The following CCDC15 variants were observed in gnomAD, a reference collection of about 807,000 sequenced individuals.
CCDC15 encodes coiled-coil domain containing 15, also known as coiled-coil domain-containing protein 15.
CCDC15 carries 105 observed loss-of-function variants against 114.5 expected under a neutral mutation model. The observed-to-expected ratio is 0.92, with a 90% CI of 0.78 to 1.08. CCDC15 has a LOEUF of 1.08. Among genes scored for constraint, CCDC15 ranks in the 50% least tolerant of loss-of-function variants. The pLI, the probability that CCDC15 is intolerant of heterozygous loss-of-function variation, is 0.00. For synonymous variants in CCDC15, 334 were observed against 377.8 expected (o/e 0.88, Z 1.34); for missense variants, 1,105 against 1,093.6 (o/e 1.01, Z -0.15).
chr11:124,965,865 A>T (rs573323879), intron 4 of CCDC15, among the ~76,000 whole-genome samples: 1 of 152,148 alleles, frequency 6.6e-6, no homozygotes, highest in East Asian at 1.9e-4. Context: ...GGTTTCAAAG[A>T]ATATCTTTAT....
intron 4 of CCDC15, among the ~76,000 whole-genome samples, chr11:124,967,300 C>G (rs556184901): frequency 6.6e-6 from 1 of 152,356 alleles, no homozygotes; most frequent in South Asian, 2.1e-4. Context: ...GGTCTTTTCA[C>G]ATAGTCCCAT....
At chr11:125,035,882 A>T (rs972650052) in intron 13 of CCDC15, among the ~76,000 whole-genome samples, 1 of 147,928 alleles carries the variant, frequency 6.8e-6, no homozygotes, top group South Asian at 2.1e-4. Flanking sequence ...ACACTTTAAC[A>T]TCATGCCCCT....
At chr11:124,981,675 A>G (rs1948074289) in intron 6 of CCDC15, among the ~76,000 whole-genome samples, 1 of 152,020 alleles carries the variant, frequency 6.6e-6, no homozygotes, top group South Asian at 2.1e-4. Flanking sequence ...GCAGGAGTGC[A>G]GTGGCATGAT....
In CCDC15 at chr11:124,977,748, C is replaced by T. The variant is rs1158504898; in HGVS notation, c.753+148C>T. 5 of 773,518 alleles carry T rather than the reference C, an allele frequency of 6.5e-6. No individual in the cohort carries two copies. In the African/African-American group the frequency reaches 9.1e-5, roughly 14 times the overall value. The allele number at this position is 773,518 out of a possible 1,614,324, so 47.9% of individuals were successfully genotyped here. ...TAATTCATATACCATACAATTCACCCATTTAAAGTGTACAATTCATTGGTT... is the reference window on the plus strand; with the variant it reads ...TAATTCATATACCATACAATTCACCTATTTAAAGTGTACAATTCATTGGTT... On this transcript the variant is annotated intron_variant, in intron 6 of 15. Coordinates refer to ENST00000344762, the MANE Select transcript of CCDC15 (RefSeq NM_025004.3).
At chr11:124,988,281 A>G (rs908720488) in intron 8 of CCDC15, 147 bp downstream of exon 8, 9 of 862,888 alleles carry the variant, frequency 1.0e-5, no homozygotes, top group African/African-American at 1.7e-5. Context: ...GGAATAAAGT[A>G]AGTCACACAA....
chr11:125,029,891 C>T (rs1202291128), intron 13 of CCDC15, among the ~76,000 whole-genome samples: 1 of 152,194 alleles, frequency 6.6e-6, no homozygotes, highest in African/African-American at 2.4e-5. Flanking sequence ...CTCCTCCTTA[C>T]CTCTGTTGTG....
intron 13 of CCDC15, among the ~76,000 whole-genome samples, chr11:125,028,344 C>A (rs192591567): frequency 2.6e-5 from 4 of 152,232 alleles, no homozygotes; most frequent in Admixed American, 2.6e-4. Context: ...CTGTAGGTTG[C>A]TTTTGGCAGT....
rs188534818 is a variant in CCDC15 at position 124,993,693 on chromosome 11, A to G, written c.2214+450A>G. 3.3e-3 allele frequency among the ~76,000 whole-genome samples: 507 copies of G among 152,340 alleles called. 1 individual carries two copies. Among genetic ancestry groups the G allele is most frequent in the African/African-American group, 0.011 (441 of 41,582 alleles). On this transcript the variant is annotated intron_variant, in intron 11 of 15. Coordinates refer to ENST00000344762, the MANE Select transcript of CCDC15 (RefSeq NM_025004.3). ...CCAGAGAGCAGGTAGAGCAGGGTGTATTAAAGAGTAAGCAACAGAAAGCAA... is the reference window on the plus strand; with the variant it reads ...CCAGAGAGCAGGTAGAGCAGGGTGTGTTAAAGAGTAAGCAACAGAAAGCAA...
chr11:124,959,894 A>G lies in CCDC15; in HGVS notation c.407A>G (p.Asn136Ser). 1 of 1,593,866 alleles carries G rather than the reference A, an allele frequency of 6.3e-7. No homozygotes were observed. Among genetic ancestry groups the G allele is most frequent in the Admixed American group, 1.7e-5 (1 of 57,238 alleles). ...TSKRTSVFPN[N>S]LNVAIGSSRL... ...AAAAGGACAAGTGTTTTTCCAAACA[A>G]TTTGAATGTTGCTATTGGAAGTTCT... The change falls in exon 4 of 16, where the codon AAT becomes AGT. Residue 136 changes from asparagine (N) to serine (S), a missense_variant. By Grantham distance (46) the Asn-to-Ser change is conservative. Coordinates refer to ENST00000344762, the MANE Select transcript of CCDC15 (RefSeq NM_025004.3).
At chr11:124,988,589 C>T (rs748322502) in intron 8 of CCDC15, among the ~76,000 whole-genome samples, 6 of 152,086 alleles carry the variant, frequency 3.9e-5, no homozygotes, top group Non-Finnish European at 7.4e-5. Flanking sequence ...CTTCCTTTCA[C>T]GAAACATTTC....
In CCDC15 at chr11:125,035,487, C is replaced by T. The variant is rs1226335919; in HGVS notation, c.2412-2944C>T. On this transcript the variant is annotated intron_variant, in intron 13 of 15. Transcript: ENST00000344762. ...GTGTCTTTGTAGATGAAGTATGTTTCTTGCAGGCAAGGAATTGTTGGATCT... is the reference window on the plus strand; with the variant it reads ...GTGTCTTTGTAGATGAAGTATGTTTTTTGCAGGCAAGGAATTGTTGGATCT... Among the ~76,000 whole-genome samples, 3 of 151,238 alleles carry T rather than the reference C, an allele frequency of 2.0e-5. No homozygotes were observed. In the South Asian group the frequency reaches 6.4e-4, roughly 32 times the overall value.
intron 13 of CCDC15, among the ~76,000 whole-genome samples, chr11:125,007,810 G>A (rs961159900): frequency 2.2e-4 from 33 of 152,272 alleles, no homozygotes; most frequent in African/African-American, 7.2e-4. Flanking sequence ...TTGTGGGTAA[G>A]TTCAGTTGAT....
intron 2 of CCDC15, among the ~76,000 whole-genome samples, chr11:124,957,267 T>C (rs1371157223): frequency 1.3e-5 from 2 of 152,236 alleles, no homozygotes; most frequent in African/African-American, 2.4e-5. Context: ...TGGCTGGAGC[T>C]AGACAATAGT....
intron 13 of CCDC15, among the ~76,000 whole-genome samples, chr11:125,023,184 T>G (rs1948674165): frequency 6.6e-6 from 1 of 151,976 alleles, no homozygotes; most frequent in South Asian, 2.1e-4. Context: ...TTGTCACGTA[T>G]GGTGTGAGGC....
At chr11:124,968,286 C>G (rs1286748671) in intron 4 of CCDC15, among the ~76,000 whole-genome samples, 2 of 151,878 alleles carry the variant, frequency 1.3e-5, no homozygotes, top group Non-Finnish European at 2.9e-5. Flanking sequence ...GCAGACAGGC[C>G]TCGTTGAGCT....
intron 11 of CCDC15, among the ~76,000 whole-genome samples, chr11:124,999,735 T>C (rs1414245441): frequency 6.6e-6 from 1 of 152,082 alleles, no homozygotes; most frequent in East Asian, 1.9e-4. Context: ...AAGTTTTGTC[T>C]GTTAATTCAA....
chr11:125,023,295 C>A (rs749623720), intron 13 of CCDC15, among the ~76,000 whole-genome samples: 1 of 151,438 alleles, frequency 6.6e-6, no homozygotes, highest in Admixed American at 6.6e-5. Context: ...CAACAAACAA[C>A]GAAAGAGAAG....
intron 11 of CCDC15, among the ~76,000 whole-genome samples, chr11:124,999,983 TC>T (rs1250856359): frequency 6.7e-6 from 1 of 148,334 alleles, no homozygotes; most frequent in Non-Finnish European, 1.5e-5. Context: ...TGTCTCAGCC[TC>T]CCTAGTAGCT....
chr11:124,991,288 T>C (rs1948264196), intron 8 of CCDC15, among the ~76,000 whole-genome samples, 173 bp from the exon 9 acceptor site: 1 of 152,220 alleles, frequency 6.6e-6, no homozygotes, highest in South Asian at 2.1e-4. Context: ...TCAAAGGTTG[T>C]TCTCAGCTAA....
Sources: allele counts gnomAD v4.1 joint callset (sites outside exome capture counted in the v4.1 genomes callset), GRCh38; gene constraint gnomAD v4.1.1; transcripts MANE v1.5; gene names NCBI Gene and HGNC (gene_info 2026-07-23, HGNC 2026-07-21).